YTHDC2: variants seen among roughly 807,000 people sequenced by gnomAD.
YTHDC2 encodes the protein 3'-5' RNA helicase YTHDC2.
YTHDC2 carries 45 observed loss-of-function variants against 174.9 expected under a neutral mutation model. The observed-to-expected ratio is 0.26, with a 90% CI of 0.20 to 0.33. YTHDC2 has a LOEUF of 0.33. Ranked by LOEUF, YTHDC2 falls within the 10% of genes least tolerant of loss-of-function variation. YTHDC2 has a pLI of 1.00. For synonymous variants in YTHDC2, 657 were observed against 574.5 expected (o/e 1.14, Z -2.05); for missense variants, 1,650 against 1,723.7 (o/e 0.96, Z 0.76).
intron 27 of YTHDC2, 25 bp from the exon 28 acceptor site, chr5:113,591,971 T>G (rs1269967990): frequency 6.4e-7 from 1 of 1,569,264 alleles, no homozygotes; most frequent in African/African-American, 1.4e-5. Context: ...CTCACCTCTA[T>G]TCCTTCCTCC....
At chr5:113,530,594 C>T (rs577817268) in intron 4 of YTHDC2, among the ~76,000 whole-genome samples, 45 of 152,120 alleles carry the variant, frequency 3.0e-4, no homozygotes, top group African/African-American at 1.1e-3. Context: ...TCATTCATTT[C>T]ACTTATATGT....
At chr5:113,591,785 TAGG>T (rs1041084715) in intron 27 of YTHDC2, among the ~76,000 whole-genome samples, 6 of 152,150 alleles carry the variant, frequency 3.9e-5, no homozygotes, top group African/African-American at 1.2e-4. Context: ...TTGAAATTGT[TAGG>T]AGGCTAGAAC....
intron 9 of YTHDC2, among the ~76,000 whole-genome samples, chr5:113,541,891 A>G (rs1452599091): frequency 6.6e-6 from 1 of 152,124 alleles, no homozygotes; most frequent in African/African-American, 2.4e-5. Flanking sequence ...CATTTTGACC[A>G]TGTATATTTG....
In YTHDC2 at chr5:113,593,691, A is replaced by G. The variant is rs769840717; in HGVS notation, c.*217A>G. On this transcript the variant is annotated 3_prime_UTR_variant, in exon 30 of 30. Coordinates refer to ENST00000161863, the MANE Select transcript of YTHDC2 (RefSeq NM_022828.5). ...TGATTATATGATGTTTGTAATGAAT[A>G]AAATAGTAGTTTCATTATTTGGCAC... 5 of 186,326 alleles carry G rather than the reference A, an allele frequency of 2.7e-5. No homozygotes were observed. Among genetic ancestry groups the G allele is most frequent in the African/African-American group, 4.7e-5 (2 of 42,640 alleles). The allele number at this position is 186,326 out of a possible 1,614,324, so 11.5% of individuals were successfully genotyped here.
chr5:113,580,646 CTG>C (rs1458970353), intron 24 of YTHDC2, among the ~76,000 whole-genome samples: 1 of 152,202 alleles, frequency 6.6e-6, no homozygotes, highest in Non-Finnish European at 1.5e-5. Flanking sequence ...TTCACTGAAA[CTG>C]TACTTGCCAA....
intron 7 of YTHDC2, 47 bp from the exon 8 acceptor site, chr5:113,539,027 T>G (rs1000694962): frequency 9.3e-6 from 9 of 965,230 alleles, no homozygotes; most frequent in Admixed American, 3.7e-5. Flanking sequence ...TTATGTGAAT[T>G]TTCTCCAAGA....
At chr5:113,575,019 G>A (rs1015332500) in intron 23 of YTHDC2, among the ~76,000 whole-genome samples, 30 of 152,166 alleles carry the variant, frequency 2.0e-4, no homozygotes, top group Admixed American at 1.8e-3. Flanking sequence ...GTGGGCTGTC[G>A]CCTTCACCTA....
At chr5:113,559,431 C>T (rs1318311495) in intron 17 of YTHDC2, among the ~76,000 whole-genome samples, 2 of 152,156 alleles carry the variant, frequency 1.3e-5, no homozygotes, top group East Asian at 3.8e-4. Flanking sequence ...TTTATGGTGA[C>T]AGTGCCCTGA....
At chr5:113,539,476 C>T (rs1004723737) in intron 8 of YTHDC2, among the ~76,000 whole-genome samples, 20 of 152,066 alleles carry the variant, frequency 1.3e-4, no homozygotes, top group Non-Finnish European at 2.1e-4. Flanking sequence ...TGGCTGCCCA[C>T]AGCATATCTC....
intron 21 of YTHDC2, among the ~76,000 whole-genome samples, chr5:113,566,395 T>G (rs1160574737): frequency 6.6e-6 from 1 of 151,980 alleles, no homozygotes; most frequent in African/African-American, 2.4e-5. Context: ...ATATGAATGC[T>G]GCTCTTCATA....
At chr5:113,565,073 C>G (rs1289478457) in intron 20 of YTHDC2, among the ~76,000 whole-genome samples, 1 of 152,172 alleles carries the variant, frequency 6.6e-6, no homozygotes, top group Non-Finnish European at 1.5e-5. Flanking sequence ...TTTGGCCTCC[C>G]AAAGTGCTGG....
At chr5:113,567,045 TA>T in intron 21 of YTHDC2, 46 bp from the exon 22 acceptor site, 1 of 1,554,324 alleles carries the variant, frequency 6.4e-7, no homozygotes, top group Non-Finnish European at 8.7e-7. Context: ...TACACAAAAG[TA>T]TCTTTTGCAC....
At chr5:113,544,237 CT>C (rs1156328707) in intron 10 of YTHDC2, among the ~76,000 whole-genome samples, 2 of 152,086 alleles carry the variant, frequency 1.3e-5, no homozygotes, top group Non-Finnish European at 2.9e-5. Context: ...CAACCTCTGC[CT>C]CCCGGGTTCA....
intron 12 of YTHDC2, among the ~76,000 whole-genome samples, chr5:113,551,290 A>T (rs1776236293): frequency 6.6e-6 from 1 of 152,104 alleles, no homozygotes; most frequent in Non-Finnish European, 1.5e-5. Context: ...TAGATACTGC[A>T]GGTTACCAGG....
chr5:113,560,193 TC>T (rs1447565666), intron 17 of YTHDC2, among the ~76,000 whole-genome samples: 1 of 152,222 alleles, frequency 6.6e-6, no homozygotes, highest in East Asian at 1.9e-4. Flanking sequence ...TATTTTATTT[TC>T]TAATCTTAAA....
At chr5:113,556,473 C>A in intron 17 of YTHDC2, 1 of 168,490 alleles carries the variant, frequency 5.9e-6, no homozygotes, top group Non-Finnish European at 1.3e-5. Flanking sequence ...GCCAATAATC[C>A]AGTTAAAATG....
chr5:113,561,875 C>T (rs928743742), intron 18 of YTHDC2, among the ~76,000 whole-genome samples: 1 of 151,256 alleles, frequency 6.6e-6, no homozygotes, highest in African/African-American at 2.4e-5. Context: ...AGATAATATC[C>T]AAATCTCACT....
chr5:113,556,469 A>T (rs967320285), intron 17 of YTHDC2: 16 of 169,894 alleles, frequency 9.4e-5, no homozygotes, highest in Non-Finnish European at 1.2e-5. Context: ...AAAGGCCAAT[A>T]ATCCAGTTAA....
At chr5:113,562,945 G>C (rs961867511) in intron 18 of YTHDC2, among the ~76,000 whole-genome samples, 1 of 152,122 alleles carries the variant, frequency 6.6e-6, no homozygotes, top group Non-Finnish European at 1.5e-5. Flanking sequence ...AATGAGAATG[G>C]ACACTTCCTT....
Sources: gnomAD v4.1 joint callset for allele counts (sites outside exome capture counted in the v4.1 genomes callset) on GRCh38, gnomAD v4.1.1 for gene constraint, MANE v1.5 for transcripts, NCBI Gene and HGNC (gene_info 2026-07-23, HGNC 2026-07-21) for gene names.